The following PDE1A variants were observed in gnomAD, a reference collection of about 807,000 sequenced individuals.
PDE1A encodes the protein phosphodiesterase 1A, also known as dual specificity calcium/calmodulin-dependent 3',5'-cyclic nucleotide phosphodiesterase 1A.
A neutral mutation model predicts 61.7 loss-of-function variants in PDE1A; 35 were observed. That is an observed-to-expected ratio of 0.57 (90% confidence interval 0.43 to 0.75). The LOEUF is 0.75. Ranked by LOEUF, PDE1A falls within the 30% of genes least tolerant of loss-of-function variation. The pLI is 0.00. For missense variants in PDE1A, 597 were observed against 630.6 expected (o/e 0.95, Z 0.57); for synonymous variants, 232 against 213.2 (o/e 1.09, Z -0.77).
intron 2 of PDE1A, among the ~76,000 whole-genome samples, chr2:182,253,755 G>GA (rs1691576450): frequency 6.6e-6 from 1 of 151,924 alleles, no homozygotes; most frequent in African/African-American, 2.4e-5. Flanking sequence ...TGTTGGCTAG[G>GA]AAAAAAGAGA....
chr2:182,580,837 C>T, the PDE1A span, among the ~76,000 whole-genome samples: 1 of 152,114 alleles, frequency 6.6e-6, no homozygotes, highest in Non-Finnish European at 1.5e-5. Flanking sequence ...AACTTCATTA[C>T]TTATCTTTTG....
At chr2:182,178,713 C>T (rs950299059) in intron 13 of PDE1A, among the ~76,000 whole-genome samples, 8 of 151,962 alleles carry the variant, frequency 5.3e-5, no homozygotes, top group Non-Finnish European at 7.4e-5. Flanking sequence ...CCTGAGAGAG[C>T]GCCTGCAGTA....
chr2:182,550,810 A>G, the PDE1A span, among the ~76,000 whole-genome samples: 2 of 152,240 alleles, frequency 1.3e-5, no homozygotes, highest in South Asian at 2.1e-4. Context: ...TCCTGTAGAG[A>G]GCATGAGAGT....
chr2:182,647,607 GA>G, the PDE1A span, among the ~76,000 whole-genome samples: 1 of 152,136 alleles, frequency 6.6e-6, no homozygotes, highest in Non-Finnish European at 1.5e-5. Flanking sequence ...AGTCACTTAG[GA>G]AAAGACATAT....
chr2:182,460,043 T>C (rs1254942710), intron 2 of PDE1A, among the ~76,000 whole-genome samples: 1 of 152,166 alleles, frequency 6.6e-6, no homozygotes, highest in Admixed American at 6.6e-5. Flanking sequence ...TCCTCACTCC[T>C]GTTATTTAGT....
intron 7 of PDE1A, among the ~76,000 whole-genome samples, chr2:182,207,123 G>A (rs146810431): frequency 0.03 from 4,591 of 152,274 alleles, 220 homozygotes; most frequent in African/African-American, 0.1. Flanking sequence ...GTAATGGGCA[G>A]AGGTTGAAAC....
chr2:182,443,038 GA>G (rs1354387381), intron 2 of PDE1A, among the ~76,000 whole-genome samples: 1 of 151,924 alleles, frequency 6.6e-6, no homozygotes, highest in Non-Finnish European at 1.5e-5. Flanking sequence ...CCTTCACCCT[GA>G]AGGGGGTTCA....
intron 10 of PDE1A, among the ~76,000 whole-genome samples, chr2:182,199,100 G>T (rs1686386774): frequency 6.6e-6 from 1 of 151,784 alleles, no homozygotes; most frequent in Non-Finnish European, 1.5e-5. Context: ...CAAAAATTTT[G>T]ACAATTTCAT....
At chr2:182,272,970 C>G (rs533407462) in intron 1 of PDE1A, among the ~76,000 whole-genome samples, 3 of 151,964 alleles carry the variant, frequency 2.0e-5, no homozygotes, top group Non-Finnish European at 2.9e-5. Context: ...CTTTTGAGAA[C>G]ATTAGAGTAA....
intron 1 of PDE1A, among the ~76,000 whole-genome samples, chr2:182,342,328 G>A (rs1350510598): frequency 1.3e-5 from 2 of 152,032 alleles, no homozygotes; most frequent in African/African-American, 4.8e-5. Context: ...ACATAGGTAA[G>A]CACGTGTCAT....
At chr2:182,417,432 C>T (rs1702988926) in intron 1 of PDE1A, among the ~76,000 whole-genome samples, 1 of 152,080 alleles carries the variant, frequency 6.6e-6, no homozygotes, top group African/African-American at 2.4e-5. Context: ...TCTGAAATAC[C>T]ACCTAATTTT....
chr2:182,181,528 G>T (rs1055252131), intron 13 of PDE1A, among the ~76,000 whole-genome samples: 1 of 152,208 alleles, frequency 6.6e-6, no homozygotes, highest in Non-Finnish European at 1.5e-5. Context: ...GTCAAGAGGC[G>T]CAAAGTCAGG....
chr2:182,538,504 A>AT, the PDE1A span, among the ~76,000 whole-genome samples: 6 of 151,712 alleles, frequency 4.0e-5, no homozygotes, highest in Non-Finnish European at 5.9e-5. Flanking sequence ...TTTTTCTCCA[A>AT]TTTTTTTTGC....
intron 2 of PDE1A, among the ~76,000 whole-genome samples, chr2:182,472,845 T>A (rs1355869419): frequency 6.6e-6 from 1 of 151,912 alleles, no homozygotes; most frequent in Admixed American, 6.6e-5. Flanking sequence ...AAACTTTTTT[T>A]AAATAAATAC....
intron 2 of PDE1A, among the ~76,000 whole-genome samples, chr2:182,518,574 C>T (rs1472074600): frequency 1.3e-5 from 2 of 152,000 alleles, no homozygotes; most frequent in South Asian, 2.1e-4. Context: ...TGTGTCGAGA[C>T]GTGTAAAATT....
intron 2 of PDE1A, among the ~76,000 whole-genome samples, chr2:182,243,896 T>A (rs2125703346): frequency 6.6e-6 from 1 of 152,274 alleles, no homozygotes; most frequent in Non-Finnish European, 1.5e-5. Context: ...AGATGGAGTT[T>A]CGCTCTTGAT....
rs35067674 is a variant in PDE1A, at chr2:182,503,040, T to TACACACACACAC, written c.101+19224_101+19235dup. Among the ~76,000 whole-genome samples the TACACACACACAC allele has an allele frequency of 4.3e-3, 419 of 97,000 alleles. 3 individuals are homozygous for TACACACACACAC. The highest frequency in any genetic ancestry group is 0.012 in the African/African-American group (391 of 31,418). 63.6% of individuals were successfully genotyped at this position (97,000 alleles called of 152,430 possible). On this transcript the variant is annotated intron_variant, in intron 2 of 14. Coordinates refer to the PDE1A transcript ENST00000410103. The stretch of plus-strand genomic sequence containing the variant: ...CTCTCTCCCCCTCCCCATTCTTTCT[T>TACACACACACAC]ACACACACACACACACACACACACA...
At chr2:182,709,271 C>T in the PDE1A span, among the ~76,000 whole-genome samples, 1 of 152,140 alleles carries the variant, frequency 6.6e-6, no homozygotes, top group African/African-American at 2.4e-5. Context: ...GCTCATATAA[C>T]TCATTTGACA....
At chr2:182,668,251 G>A in the PDE1A span, among the ~76,000 whole-genome samples, 1 of 152,112 alleles carries the variant, frequency 6.6e-6, no homozygotes, top group Non-Finnish European at 1.5e-5. Flanking sequence ...GTTCTGAGAA[G>A]GATGCTGGAC....
Sources: allele counts gnomAD v4.1 joint callset (sites outside exome capture counted in the v4.1 genomes callset), GRCh38; gene constraint gnomAD v4.1.1; transcripts MANE v1.5; gene names NCBI Gene and HGNC (gene_info 2026-07-23, HGNC 2026-07-21).